Variants in ARAP1 observed in about 807,000 individuals in gnomAD.
The protein encoded by ARAP1 is ArfGAP with RhoGAP domain, ankyrin repeat and PH domain 1, also known as arf-GAP with Rho-GAP domain, ANK repeat and PH domain-containing protein 1.
ARAP1 carries 76 observed loss-of-function variants against 172.2 expected under a neutral mutation model. The observed-to-expected ratio is 0.44, with a 90% confidence interval of 0.37 to 0.53. ARAP1 has a LOEUF of 0.53. ARAP1 is among the 20% of genes least tolerant of loss of function. The pLI is 0.00. For synonymous variants in ARAP1, 804 were observed against 803.3 expected (o/e 1.00, Z -0.01); for missense variants, 1,686 against 1,977.5 (o/e 0.85, Z 2.80).
chr11:72,726,937 C>A lies in ARAP1; in HGVS notation c.192G>T (p.Leu64=). Residue 64 remains leucine (L), a synonymous_variant, in exon 3 of 35, where the codon CTG becomes CTT. Coordinates refer to ENST00000393609, the MANE Select transcript of ARAP1 (RefSeq NM_001040118.3). This position sits in a 1 kb window ranked among gnomAD's most constrained non-coding sequence, Gnocchi z 6.5. ...GGGCCGGTGAGGTATGGGCACGGAG[C>A]AGGCCAGCCAGGATGCGGCGGCGGT... ...PGHRRRILAG[L]LRAHTSPAPA... is the part of the protein sequence containing the mutation. 1 of 1,595,814 alleles carries A rather than the reference C, an allele frequency of 6.3e-7. No individual in the cohort carries two copies. The highest frequency in any genetic ancestry group is 2.3e-5 in the East Asian group (1 of 44,056).
intron 4 of ARAP1, among the ~76,000 whole-genome samples, chr11:72,713,618 T>C (rs539406602): frequency 1.2e-3 from 177 of 151,714 alleles, no homozygotes; most frequent in African/African-American, 3.6e-3. Context: ...GAGGCTGAGG[T>C]GGGCAGATCA....
chr11:72,701,512 T>G (rs1339842226), intron 16 of ARAP1, 137 bp downstream of exon 16: 1 of 1,246,718 alleles, frequency 8.0e-7, no homozygotes, highest in Non-Finnish European at 1.1e-6. Flanking sequence ...GTACCTACTG[T>G]GTACCACAGA....
In ARAP1 at chr11:72,693,542, A is replaced by T; in HGVS notation, c.3809-72T>A. On this transcript the variant is annotated intron_variant, in intron 28 of 34. Coordinates refer to ENST00000393609, the MANE Select transcript of ARAP1 (RefSeq NM_001040118.3). This position sits in a 1 kb window ranked among gnomAD's most constrained non-coding sequence, Gnocchi z 4.6. The stretch of plus-strand genomic sequence containing the variant: ...CGGGGCTGGGTCCCAGGATGAAGGA[A>T]GCTGCCCCATCCTGCCCCAGCCTCT... 1 of 1,567,086 alleles carries T rather than the reference A, an allele frequency of 6.4e-7. No individual in the cohort carries two copies. The highest frequency in any genetic ancestry group is 1.8e-5 in the Admixed American group (1 of 56,718).
chr11:72,709,944 G>A lies in ARAP1; in HGVS notation c.1449C>T (p.Ile483=), dbSNP rs77842696. The A allele has an allele frequency of 1.3e-4, 216 of 1,614,078 alleles. No individual in the cohort carries two copies. The African/African-American group carries it at 2.4e-3, about 18-fold the overall frequency. The change falls in exon 11 of 35, where the codon ATC becomes ATT. Residue 483 remains isoleucine (I), a synonymous_variant. Coordinates refer to ENST00000393609, the MANE Select transcript of ARAP1 (RefSeq NM_001040118.3). The part of the protein sequence containing the change: ...EYHLGIGITF[I]DMSVGNVKEV... ...CCTTCACGTTGCCCACGCTCATGTC[G>A]ATGAAGGTGATGCCAATGCCCAGGT...
At chr11:72,703,473 C>G (rs1296562551) in intron 14 of ARAP1, 1 of 174,210 alleles carries the variant, frequency 5.7e-6, no homozygotes, top group Admixed American at 5.6e-5. Context: ...CTGCCCAGCC[C>G]TCCCAACCAA....
rs778177688 is a variant in ARAP1 at position 72,711,414 on chromosome 11, C to A, written c.1092+16G>T. ...GGCTGGAGCAGGGGTCGCGTCAGGA[C>A]TGATGCAGGCCTCACCTTGTTACTG... On this transcript the variant is annotated intron_variant, in intron 8 of 34. Transcript: ENST00000393609. 1.2e-5 allele frequency: 20 copies of A among 1,610,690 alleles called. No homozygotes were observed. Among genetic ancestry groups the A allele is most frequent in the African/African-American group, 2.7e-5 (2 of 74,868 alleles).
Position 72,727,184 on chromosome 11 carries a change from A to G in ARAP1, c.-44-12T>C. 1 of 1,501,032 alleles carries G rather than the reference A, an allele frequency of 6.7e-7. No homozygotes were observed. Among genetic ancestry groups the G allele is most frequent in the South Asian group, 1.3e-5 (1 of 77,072 alleles). The allele number at this position is 1,501,032 out of a possible 1,614,324, so 93.0% of individuals were successfully genotyped here. ...GGCTTTGTCCAGAGCTAGAATAGAC[A>G]GACAGGCACAGGTCAGAGGCAGGGC... is the stretch of plus-strand genomic sequence containing the variant. On this transcript the variant is annotated splice_polypyrimidine_tract_variant and intron_variant, in intron 2 of 34. Coordinates refer to ENST00000393609, the MANE Select transcript of ARAP1 (RefSeq NM_001040118.3).
At position 72,693,655 on chromosome 11, in the gene ARAP1, C is replaced by T. The variant is rs1314271203; in HGVS notation, c.3808+37G>A. The T allele has an allele frequency of 1.3e-6, 2 of 1,561,612 alleles. No individual in the cohort carries two copies. The highest frequency in any genetic ancestry group is 2.7e-5 in the African/African-American group (2 of 73,582). On this transcript the variant is annotated intron_variant, in intron 28 of 34. Transcript: ENST00000393609. This position sits in a 1 kb window ranked among gnomAD's most constrained non-coding sequence, Gnocchi z 4.6. ...CCCACCCTGGCTCTGGAAGAGAGGA[C>T]CACCCGGAGCCTGGCCACCCTGCAG... is the stretch of plus-strand genomic sequence containing the variant.
At chr11:72,711,176 A>G in intron 8 of ARAP1, 35 bp from the exon 9 acceptor site, 1 of 1,612,432 alleles carries the variant, frequency 6.2e-7, no homozygotes, top group Non-Finnish European at 8.5e-7. Flanking sequence ...TTTGGGACCC[A>G]GCACCTCGCT....
intron 3 of ARAP1, among the ~76,000 whole-genome samples, chr11:72,716,756 A>G (rs1857289448): frequency 1.3e-5 from 2 of 152,236 alleles, no homozygotes; most frequent in South Asian, 4.1e-4. Flanking sequence ...GCCACAGAGA[A>G]TGGCTCCTGG....
Position 72,687,439 on chromosome 11 carries a change from C to G in ARAP1, c.4185G>C (p.Gln1395His). 5.6e-6 allele frequency: 9 copies of G among 1,614,230 alleles called. No homozygotes were observed. The highest frequency in any genetic ancestry group is 7.6e-6 in the Non-Finnish European group (9 of 1,180,038). The change falls in exon 33 of 35, where the codon CAG becomes CAC. Residue 1395 changes from glutamine to histidine, a missense_variant and splice_region_variant. By Grantham distance (24) the Gln-to-His change is conservative (BLOSUM62 0). Around this residue, in one of 5 missense-constraint regions of ARAP1, gnomAD observed 379 missense variants for 500.1 expected, o/e 0.76. Coordinates refer to ENST00000393609, the MANE Select transcript of ARAP1 (RefSeq NM_001040118.3). ...REWFATFLFV[Q>H]HDGLVWPSEP... Reference sequence around the variant, plus strand: ...ACACCCCACACTCTGCACCTGGTACCTGCACAAACAGAAAGGTAGCGAACC... The same window carrying G: ...ACACCCCACACTCTGCACCTGGTACGTGCACAAACAGAAAGGTAGCGAACC...
At chr11:72,735,663 G>C (rs149536982) in intron 1 of ARAP1, among the ~76,000 whole-genome samples, 1 of 152,318 alleles carries the variant, frequency 6.6e-6, no homozygotes, top group African/African-American at 2.4e-5. Flanking sequence ...GTTTAACACA[G>C]ATTGATAGAT....
chr11:72,710,081 G>A lies in ARAP1; in HGVS notation c.1417-105C>T, dbSNP rs893189140. On this transcript the variant is annotated intron_variant, in intron 10 of 34. Coordinates refer to ENST00000393609, the MANE Select transcript of ARAP1 (RefSeq NM_001040118.3). This position sits in a 1 kb window ranked among gnomAD's most constrained non-coding sequence, Gnocchi z 4.3. ...GTGGTGCAACTCAGGGACTGGGGGG[G>A]GTGCCCAGGAGGGAGACAGCAGGGG... The A allele has an allele frequency of 2.8e-6, 3 of 1,074,410 alleles. No individual in the cohort carries two copies. The highest frequency in any genetic ancestry group is 3.1e-5 in the African/African-American group (2 of 64,362). 66.6% of individuals were successfully genotyped at this position (1,074,410 alleles called of 1,614,324 possible).
rs367897101 is a variant in ARAP1, at chr11:72,696,644, G to A, written c.3177C>T (p.Asp1059=). ...GGTACCTGGAGACCTTCTCCTCCTC[G>A]TCCTCAATCTCTGGGTGGGAAAGAT... ...LTWLEASEIE[D]EEEKVSRYRE... The change falls in exon 23 of 35, where the codon GAC becomes GAT. Residue 1059 remains aspartate (D), a synonymous_variant. Coordinates refer to ENST00000393609, the MANE Select transcript of ARAP1 (RefSeq NM_001040118.3). The A allele has an allele frequency of 1.2e-5, 19 of 1,592,302 alleles. No individual in the cohort carries two copies. Among genetic ancestry groups the A allele is most frequent in the Admixed American group, 3.6e-5 (2 of 56,180 alleles).
chr11:72,745,456 G>A (rs11602366), intron 1 of ARAP1, among the ~76,000 whole-genome samples: 40,826 of 149,620 alleles, frequency 0.27, 5,969 homozygotes, highest in South Asian at 0.34. Flanking sequence ...CGCCCGCGTC[G>A]GCCTCCCAAA....
chr11:72,690,793 C>G (rs1855902635), intron 30 of ARAP1, among the ~76,000 whole-genome samples: 2 of 152,222 alleles, frequency 1.3e-5, no homozygotes, highest in African/African-American at 2.4e-5. Flanking sequence ...GAACCAAGAT[C>G]TTTCTAGCAT....
intron 22 of ARAP1, 131 bp downstream of exon 22, chr11:72,696,852 G>A (rs1856218236): frequency 1.7e-5 from 18 of 1,074,660 alleles, no homozygotes; most frequent in Non-Finnish European, 2.4e-5. Flanking sequence ...CGATGGGAAT[G>A]AGAAGCAGAG....
At chr11:72,743,607 T>G (rs1034917371) in intron 1 of ARAP1, among the ~76,000 whole-genome samples, 2 of 152,130 alleles carry the variant, frequency 1.3e-5, no homozygotes, top group African/African-American at 4.8e-5. Context: ...GTGTCAAGGT[T>G]CAGCCTGGAG....
chr11:72,685,558 TC>T lies in ARAP1; in HGVS notation c.*105del, dbSNP rs1665655014. ...AGGATGTGGGTTGTGGGGTGCAGTTTCCCATGCACCCCCCGCTGGCTCACAT... is the reference window on the plus strand; with the variant it reads ...AGGATGTGGGTTGTGGGGTGCAGTTTCCATGCACCCCCCGCTGGCTCACAT... On this transcript the variant is annotated 3_prime_UTR_variant, in exon 35 of 35. Coordinates refer to ENST00000393609, the MANE Select transcript of ARAP1 (RefSeq NM_001040118.3). 6.7e-7 allele frequency: 1 copy of T among 1,481,828 alleles called. No individual in the cohort carries two copies. The highest frequency in any genetic ancestry group is 1.4e-5 in the African/African-American group (1 of 72,092). 91.8% of individuals were successfully genotyped at this position (1,481,828 alleles called of 1,614,324 possible). A position where few individuals can be genotyped will look rare whatever the true frequency, so the allele number is the denominator to read the frequency against.
Sources: gnomAD v4.1 joint callset for allele counts (sites outside exome capture counted in the v4.1 genomes callset) on GRCh38, gnomAD v4.1.1 for gene constraint, gnomAD v4.1.1 regional missense constraint, Gnocchi (gnomAD v3.1) non-coding constraint, MANE v1.5 for transcripts, NCBI Gene and HGNC (gene_info 2026-07-23, HGNC 2026-07-21) for gene names.